The following PTPRG variants were observed in gnomAD, a reference collection of about 807,000 sequenced individuals.
PTPRG encodes the protein receptor-type tyrosine-protein phosphatase gamma.
A neutral mutation model predicts 165.3 loss-of-function variants in PTPRG; 102 were observed. The ratio of observed to expected loss-of-function variants is 0.62; its 90% confidence interval spans 0.53 to 0.73. The LOEUF is 0.73. PTPRG is among the 30% of genes least tolerant of loss of function. PTPRG has a pLI of 0.00. For missense variants in PTPRG, 1,866 were observed against 1,861.4 expected (o/e 1.00, Z -0.05); for synonymous variants, 675 against 669.5 (o/e 1.01, Z -0.13).
rs1414187300 is a variant in PTPRG at position 61,738,294 on chromosome 3, A to ATG, written c.86-10583_86-10582insGT. 2.6e-4 allele frequency among the ~76,000 whole-genome samples: 22 copies of ATG among 85,368 alleles called. 3 individuals are homozygous for ATG. Among genetic ancestry groups the ATG allele is most frequent in the African/African-American group, 6.8e-4 (15 of 22,036 alleles). The allele number at this position is 85,368 out of a possible 152,430, so 56.0% of individuals were successfully genotyped here. ...TATATATATACATATATATATATAT[A>ATG]TATATATATATATATATACATATAT... On this transcript the variant is annotated intron_variant, in intron 1 of 29. Transcript: ENST00000474889.
intron 2 of PTPRG, among the ~76,000 whole-genome samples, chr3:61,788,937 C>T (rs988314643): frequency 2.6e-5 from 4 of 152,198 alleles, no homozygotes; most frequent in Admixed American, 1.3e-4. Context: ...GACAAATTCT[C>T]ACTTTGGGAC....
intron 2 of PTPRG, among the ~76,000 whole-genome samples, chr3:61,835,632 C>T (rs1157581398): frequency 3.3e-5 from 5 of 151,998 alleles, no homozygotes; most frequent in East Asian, 1.9e-4. Flanking sequence ...ACGCCCAGCC[C>T]GTTCCTGCTA....
chr3:61,962,483 A>G (rs1231545927), intron 2 of PTPRG, among the ~76,000 whole-genome samples: 1 of 152,140 alleles, frequency 6.6e-6, no homozygotes, highest in Non-Finnish European at 1.5e-5. Context: ...AAATGGGGAG[A>G]GTTAAGTGTG....
chr3:62,142,937 A>T (rs1703984045), intron 6 of PTPRG, among the ~76,000 whole-genome samples: 1 of 152,152 alleles, frequency 6.6e-6, no homozygotes, highest in Admixed American at 6.5e-5. Flanking sequence ...CCCGCATCAT[A>T]TAGAAAGGCA....
chr3:61,834,080 G>C (rs958357448), intron 2 of PTPRG, among the ~76,000 whole-genome samples: 1 of 152,154 alleles, frequency 6.6e-6, no homozygotes, highest in Non-Finnish European at 1.5e-5. Flanking sequence ...ATAACGGATT[G>C]CTTATATATT....
chr3:61,990,889 A>T (rs1183146043), intron 3 of PTPRG, among the ~76,000 whole-genome samples: 1 of 145,224 alleles, frequency 6.9e-6, no homozygotes, highest in Non-Finnish European at 1.5e-5. Flanking sequence ...GTTGTAGGTC[A>T]CAAAGTTGCC....
intron 1 of PTPRG, among the ~76,000 whole-genome samples, chr3:61,701,812 A>G (rs1302492985): frequency 6.6e-6 from 1 of 152,106 alleles, no homozygotes; most frequent in Non-Finnish European, 1.5e-5. Flanking sequence ...TGGGAGGATC[A>G]GTTGAGCCCC....
At chr3:61,855,870 G>A (rs552739109) in intron 2 of PTPRG, among the ~76,000 whole-genome samples, 2 of 152,156 alleles carry the variant, frequency 1.3e-5, no homozygotes, top group South Asian at 4.1e-4. Context: ...GAAGTGTGGA[G>A]CAACAGCCAC....
intron 2 of PTPRG, among the ~76,000 whole-genome samples, chr3:61,852,860 G>A (rs72882220): frequency 9.2e-5 from 14 of 152,284 alleles, no homozygotes; most frequent in African/African-American, 2.9e-4. Context: ...TCAGTAACGC[G>A]TATGGACATA....
intron 26 of PTPRG, among the ~76,000 whole-genome samples, chr3:62,280,181 T>A (rs958464884): frequency 1.3e-5 from 2 of 152,048 alleles, no homozygotes; most frequent in Non-Finnish European, 2.9e-5. Flanking sequence ...TAAAACTGCC[T>A]TGTACATACA....
At chr3:61,900,279 T>C (rs1276973730) in intron 2 of PTPRG, among the ~76,000 whole-genome samples, 1 of 152,182 alleles carries the variant, frequency 6.6e-6, no homozygotes, top group Non-Finnish European at 1.5e-5. Context: ...GTTTGTTTTG[T>C]TTTGTATTTT....
chr3:61,665,505 G>C (rs1204303322), intron 1 of PTPRG, among the ~76,000 whole-genome samples: 7 of 91,204 alleles, frequency 7.7e-5, no homozygotes, highest in African/African-American at 2.4e-4. Context: ...CACACACACA[G>C]GCACAAATAT....
chr3:62,292,549 C>T lies in PTPRG; in HGVS notation c.4184C>T (p.Thr1395Ile). The T allele has an allele frequency of 6.2e-7, 1 of 1,612,980 alleles. No homozygotes were observed. The highest frequency in any genetic ancestry group is 8.5e-7 in the Non-Finnish European group (1 of 1,179,436). ...MINLMRPGVFTDIEQYQFIYK... is the reference protein window; with the variant it reads ...MINLMRPGVFIDIEQYQFIYK... The stretch of plus-strand genomic sequence containing the variant: ...AATCTTATGAGGCCTGGAGTATTCA[C>T]AGACATTGTAAGTAGTTTGCTTATG... The change falls in exon 29 of 30, where the codon ACA (threonine) becomes ATA (isoleucine). Residue 1395 changes from threonine to isoleucine, a missense_variant. Thr to Ile is a moderately conservative substitution (Grantham distance 89). Transcript: ENST00000474889.
intron 2 of PTPRG, among the ~76,000 whole-genome samples, chr3:61,765,900 C>G (rs1219739862): frequency 6.6e-6 from 1 of 152,108 alleles, no homozygotes; most frequent in Non-Finnish European, 1.5e-5. Context: ...CATTTGTTCC[C>G]AAACCCTCTT....
At chr3:62,018,185 C>T (rs964181215) in intron 4 of PTPRG, among the ~76,000 whole-genome samples, 1 of 152,192 alleles carries the variant, frequency 6.6e-6, no homozygotes, top group Non-Finnish European at 1.5e-5. Context: ...GAGAGACCAA[C>T]AGAGTGAATC....
chr3:61,602,435 G>A (rs1322564485), intron 1 of PTPRG, among the ~76,000 whole-genome samples: 2 of 152,102 alleles, frequency 1.3e-5, no homozygotes, highest in Non-Finnish European at 2.9e-5. Context: ...CCTCACACAC[G>A]TGGGCTTCTA....
At position 62,279,064 on chromosome 3, in the gene PTPRG, A is replaced by G. The variant is rs559969486; in HGVS notation, c.3765+1385A>G. Among the ~76,000 whole-genome samples the G allele has an allele frequency of 6.6e-5, 10 of 152,134 alleles. No homozygotes were observed. The South Asian group carries it at 1.2e-3, about 19-fold the overall frequency. On this transcript the variant is annotated intron_variant, in intron 26 of 29. Coordinates refer to ENST00000474889, the MANE Select transcript of PTPRG (RefSeq NM_002841.4). The stretch of plus-strand genomic sequence containing the variant: ...GGCCTCAGAAGGCTAGATTAGAATC[A>G]TATACAACTGACCTCTCAGTTCTGA...
chr3:61,828,187 C>T (rs547763012), intron 2 of PTPRG, among the ~76,000 whole-genome samples: 2 of 152,112 alleles, frequency 1.3e-5, no homozygotes, highest in Non-Finnish European at 2.9e-5. Flanking sequence ...TTATTCTAAG[C>T]GTTTCTACGA....
At chr3:62,206,673 C>T (rs575069142) in intron 12 of PTPRG, among the ~76,000 whole-genome samples, 2 of 152,192 alleles carry the variant, frequency 1.3e-5, no homozygotes, top group Admixed American at 6.5e-5. Context: ...TGGCTCACTC[C>T]TGTAGTCCCA....
Sources: allele counts gnomAD v4.1 joint callset (sites outside exome capture counted in the v4.1 genomes callset), GRCh38; gene constraint gnomAD v4.1.1; transcripts MANE v1.5; gene names NCBI Gene and HGNC (gene_info 2026-07-23, HGNC 2026-07-21).